ACTR3B: variants seen among roughly 807,000 people sequenced by gnomAD.
ACTR3B encodes actin-related protein 3B.
A neutral mutation model predicts 59.0 loss-of-function variants in ACTR3B; 8 were observed. The observed-to-expected ratio is 0.14, with a 90% CI of 0.08 to 0.24. ACTR3B has a LOEUF of 0.24. ACTR3B is among the 10% of genes least tolerant of loss of function. The probability of loss-of-function intolerance (pLI) is 1.00; values close to 1 mark genes in which losing one functional copy is unlikely to be tolerated. For missense variants in ACTR3B, 245 were observed against 552.3 expected, an observed-to-expected ratio of 0.44 and a Z score of 5.58; for synonymous variants, 148 against 197.9, an observed-to-expected ratio of 0.75 and a Z score of 2.12.
At chr7:152,784,090 C>CA (rs1158103116) in intron 2 of ACTR3B, among the ~76,000 whole-genome samples, 1,594 of 124,464 alleles carry the variant, frequency 0.013, 10 homozygotes, top group South Asian at 0.026. Context: ...AACTCCGTCT[C>CA]AAAAAAAAAA....
At chr7:152,788,377 C>G (rs1386134819) in intron 2 of ACTR3B, among the ~76,000 whole-genome samples, 3 of 149,328 alleles carry the variant, frequency 2.0e-5, no homozygotes, top group Non-Finnish European at 4.4e-5. Flanking sequence ...ATTCATGTCT[C>G]TCGTGTTTTT....
chr7:152,837,414 T>A (rs1391031071), intron 9 of ACTR3B, among the ~76,000 whole-genome samples: 2 of 152,268 alleles, frequency 1.3e-5, no homozygotes, highest in African/African-American at 4.8e-5. Flanking sequence ...TAAGCCACAT[T>A]TAAGCCATCA....
At chr7:152,761,230 C>T (rs938081791) in intron 1 of ACTR3B, among the ~76,000 whole-genome samples, 3 of 152,172 alleles carry the variant, frequency 2.0e-5, no homozygotes, top group East Asian at 1.9e-4. Context: ...TCAGCGTTGT[C>T]GATACTACAG....
intron 10 of ACTR3B, among the ~76,000 whole-genome samples, chr7:152,852,524 A>C (rs1404566170): frequency 6.6e-6 from 1 of 152,130 alleles, no homozygotes; most frequent in African/African-American, 2.4e-5. Context: ...TTTGTGTCGT[A>C]AGAGATCAGG....
At chr7:152,823,574 A>C in intron 8 of ACTR3B, 59 bp downstream of exon 8, 1 of 1,573,680 alleles carries the variant, frequency 6.4e-7, no homozygotes, top group Non-Finnish European at 8.6e-7. Flanking sequence ...TGCCACCCAG[A>C]GTGTAGAAAG....
At chr7:152,794,645 A>G (rs2689457) in intron 2 of ACTR3B, among the ~76,000 whole-genome samples, 47 of 151,874 alleles carry the variant, frequency 3.1e-4, no homozygotes, top group Middle Eastern at 6.8e-3. Flanking sequence ...TGGAATACCA[A>G]ACTTGTACAT....
chr7:152,808,483 C>T (rs1052131144), intron 4 of ACTR3B, among the ~76,000 whole-genome samples: 73 of 151,984 alleles, frequency 4.8e-4, no homozygotes, highest in African/African-American at 1.7e-3. Flanking sequence ...TCACACTGAA[C>T]TTAGACCCAG....
intron 1 of ACTR3B, among the ~76,000 whole-genome samples, chr7:152,769,837 C>G (rs1484633384): frequency 6.7e-6 from 1 of 149,746 alleles, no homozygotes; most frequent in Non-Finnish European, 1.5e-5. Context: ...TCTTCTTCCT[C>G]TCTCCCTTTC....
At chr7:152,836,800 G>T (rs1269662596) in intron 9 of ACTR3B, among the ~76,000 whole-genome samples, 1 of 152,184 alleles carries the variant, frequency 6.6e-6, no homozygotes, top group African/African-American at 2.4e-5. Flanking sequence ...ATTTTAAAAT[G>T]TTAAAATGTT....
At chr7:152,781,350 C>T (rs2116604736) in intron 1 of ACTR3B, among the ~76,000 whole-genome samples, 1 of 151,882 alleles carries the variant, frequency 6.6e-6, no homozygotes, top group South Asian at 2.1e-4. Flanking sequence ...AAATATTGGT[C>T]CTTCCGCTGG....
Position 152,854,300 on chromosome 7 carries a change from A to G in ACTR3B, c.1162-158A>G, listed in dbSNP as rs1357458538. ...TAAAAAGTGAAATAACTCCCCATTT[A>G]GTAGTTTAGTACATCAGAGAGGTAA... is the stretch of plus-strand genomic sequence containing the variant. On this transcript the variant is annotated intron_variant, in intron 11 of 11. Coordinates refer to ENST00000256001, the MANE Select transcript of ACTR3B (RefSeq NM_020445.6). This position sits in a 1 kb window ranked among gnomAD's most constrained non-coding sequence, Gnocchi z 4.9. Among the ~76,000 whole-genome samples, 1 of 152,204 alleles carries G rather than the reference A, an allele frequency of 6.6e-6. No homozygotes were observed. Among genetic ancestry groups the G allele is most frequent in the Admixed American group, 6.5e-5 (1 of 15,284 alleles).
intron 4 of ACTR3B, chr7:152,812,297 C>CT (rs1409950518): frequency 1.0e-5 from 1 of 96,770 alleles, no homozygotes; most frequent in African/African-American, 2.8e-5. Flanking sequence ...TCCCAAAGTG[C>CT]TGGGATTACA....
chr7:152,765,635 A>G (rs960906722), intron 1 of ACTR3B, among the ~76,000 whole-genome samples: 9 of 152,190 alleles, frequency 5.9e-5, no homozygotes, highest in African/African-American at 2.2e-4. Flanking sequence ...TATTTTGAAT[A>G]ATCAGCTATC....
intron 1 of ACTR3B, among the ~76,000 whole-genome samples, chr7:152,762,609 A>T (rs2098093202): frequency 6.6e-6 from 1 of 152,192 alleles, no homozygotes; most frequent in African/African-American, 2.4e-5. Context: ...AATCATCAAA[A>T]TCAGAAAATT....
At chr7:152,823,965 T>C (rs1294316818) in intron 8 of ACTR3B, among the ~76,000 whole-genome samples, 2 of 152,214 alleles carry the variant, frequency 1.3e-5, no homozygotes, top group Non-Finnish European at 1.5e-5. Flanking sequence ...CTGCTGCAAG[T>C]TAGGTAAAGC....
rs77620966 is a variant in ACTR3B, at chr7:152,852,088, G to T, written c.952-38G>T. The T allele has an allele frequency of 5.2e-3, 8,412 of 1,613,636 alleles. 110 individuals are homozygous for T. The East Asian group carries it at 0.052, about 10-fold the overall frequency. On this transcript the variant is annotated intron_variant, in intron 9 of 11. Transcript: ENST00000256001. ...GTGGTTCCCGGAACTGTGGGCGGGCGGTTTTACCCAGGGCTCCCTCTGCTT... is the reference window on the plus strand; with the variant it reads ...GTGGTTCCCGGAACTGTGGGCGGGCTGTTTTACCCAGGGCTCCCTCTGCTT...
intron 9 of ACTR3B, among the ~76,000 whole-genome samples, chr7:152,832,375 A>G (rs1004571631): frequency 6.6e-6 from 1 of 152,198 alleles, no homozygotes; most frequent in African/African-American, 2.4e-5. Context: ...GCTCACAGAA[A>G]TAAAAGGTCT....
intron 1 of ACTR3B, among the ~76,000 whole-genome samples, chr7:152,782,412 T>TC: frequency 6.6e-6 from 1 of 152,150 alleles, no homozygotes; most frequent in Non-Finnish European, 1.5e-5. Context: ...TGGTTTTTTT[T>TC]CCCACCACCC....
At chr7:152,852,903 T>C in intron 10 of ACTR3B, among the ~76,000 whole-genome samples, 1 of 152,072 alleles carries the variant, frequency 6.6e-6, no homozygotes, top group Non-Finnish European at 1.5e-5. Context: ...ACCATTCTCC[T>C]GCCTCAGCCT....
Sources: gnomAD v4.1 joint callset for allele counts (sites outside exome capture counted in the v4.1 genomes callset) on GRCh38, gnomAD v4.1.1 for gene constraint, Gnocchi (gnomAD v3.1) non-coding constraint, MANE v1.5 for transcripts, NCBI Gene and HGNC (gene_info 2026-07-23, HGNC 2026-07-21) for gene names.